Variants in LGR6 observed in about 807,000 individuals in gnomAD.
The protein encoded by LGR6 is leucine-rich repeat-containing G protein-coupled receptor 6.
Under a neutral mutation model 69.4 loss-of-function variants are expected in LGR6, and 45 were observed. That is an observed-to-expected ratio of 0.65 (90% CI 0.51 to 0.83). The LOEUF (loss-of-function observed/expected upper bound fraction) is 0.83, where lower values mean the gene tolerates loss of function less well. LGR6 is among the 40% of genes least tolerant of loss of function. LGR6 has a pLI of 0.00. For synonymous variants in LGR6, 538 were observed against 555.0 expected (o/e 0.97, Z 0.43); for missense variants, 1,108 against 1,246.7 (o/e 0.89, Z 1.68).
intron 4 of LGR6, among the ~76,000 whole-genome samples, chr1:202,257,221 GA>G (rs1663845558): frequency 6.7e-6 from 1 of 149,816 alleles, no homozygotes. Flanking sequence ...TATATGGTTT[GA>G]AAATGTTTTT....
chr1:202,235,855 A>G, intron 3 of LGR6, 67 bp from the exon 4 acceptor site: 2 of 1,393,006 alleles, frequency 1.4e-6, no homozygotes, highest in South Asian at 2.3e-5. Context: ...TCAAGGGAGG[A>G]GTCAGCACCC....
chr1:202,303,367 C>G lies in LGR6; in HGVS notation c.998+20C>G. 6.3e-7 allele frequency: 1 copy of G among 1,592,098 alleles called. No homozygotes were observed. Among genetic ancestry groups the G allele is most frequent in the South Asian group, 1.1e-5 (1 of 90,652 alleles). Reference sequence around the variant, plus strand: ...GATCCTGTGAGTGGCTTCTCTCTCCCTACCTTATCTATCGCCCCAGCTTCA... The same window carrying G: ...GATCCTGTGAGTGGCTTCTCTCTCCGTACCTTATCTATCGCCCCAGCTTCA... On this transcript the variant is annotated intron_variant, in intron 10 of 17. Coordinates refer to ENST00000367278, the MANE Select transcript of LGR6 (RefSeq NM_001017403.2).
chr1:202,299,268 A>C (rs1403245124), intron 7 of LGR6, among the ~76,000 whole-genome samples: 1 of 151,820 alleles, frequency 6.6e-6, no homozygotes, highest in East Asian at 1.9e-4. Context: ...TCAAAAAAAA[A>C]AAAAAAAAAA....
chr1:202,259,290 A>G (rs1225374758), intron 4 of LGR6, among the ~76,000 whole-genome samples: 1 of 152,178 alleles, frequency 6.6e-6, no homozygotes, highest in Non-Finnish European at 1.5e-5. Flanking sequence ...TGAATTGAGT[A>G]TCATTCCAGT....
chr1:202,264,096 G>T (rs1664455454), intron 4 of LGR6, among the ~76,000 whole-genome samples: 1 of 151,994 alleles, frequency 6.6e-6, no homozygotes, highest in Non-Finnish European at 1.5e-5. Flanking sequence ...GGGAGGGGAG[G>T]GTTGAAACTA....
intron 4 of LGR6, among the ~76,000 whole-genome samples, chr1:202,266,558 G>A (rs1458447429): frequency 2.8e-5 from 4 of 142,528 alleles, no homozygotes; most frequent in African/African-American, 7.8e-5. Context: ...CCAAGGACCC[G>A]CACGTTCTTT....
At chr1:202,299,181 A>G (rs1237081144) in intron 7 of LGR6, among the ~76,000 whole-genome samples, 2 of 150,698 alleles carry the variant, frequency 1.3e-5, no homozygotes, top group Admixed American at 6.7e-5. Context: ...AATTACTTGT[A>G]CCCAGGTGGC....
chr1:202,287,076 G>A (rs1371914681), intron 6 of LGR6, among the ~76,000 whole-genome samples: 1 of 152,220 alleles, frequency 6.6e-6, no homozygotes, highest in Non-Finnish European at 1.5e-5. Context: ...AGGTTCCGTA[G>A]TAGATGTAAT....
chr1:202,250,587 G>A (rs572285129), intron 4 of LGR6, among the ~76,000 whole-genome samples: 1 of 151,862 alleles, frequency 6.6e-6, no homozygotes, highest in Non-Finnish European at 1.5e-5. Flanking sequence ...TGTATTTTTA[G>A]TAGAGATGGG....
intron 1 of LGR6, among the ~76,000 whole-genome samples, chr1:202,200,054 T>C (rs1415722275): frequency 6.6e-6 from 1 of 152,190 alleles, no homozygotes; most frequent in Non-Finnish European, 1.5e-5. Context: ...TCACCCTTCC[T>C]TCCCTCCCAC....
In LGR6 at chr1:202,304,596, G is replaced by C; in HGVS notation, c.1036G>C (p.Gly346Arg). Residue 346 changes from glycine (G) to arginine (R), a missense_variant, in exon 11 of 18, where the codon GGG becomes CGG. By Grantham distance (125) the Gly-to-Arg change is moderately radical. Transcript: ENST00000367278. ...CGCAGGCATCCGGCTGCTCCCATCGGGGATGTGCCAACAGCTGCCCAGGCT... is the reference window on the plus strand; with the variant it reads ...CGCAGGCATCCGGCTGCTCCCATCGCGGATGTGCCAACAGCTGCCCAGGCT... Reference protein sequence around the residue: ...TRAGIRLLPSGMCQQLPRLRV... With the variant: ...TRAGIRLLPSRMCQQLPRLRV... The C allele has an allele frequency of 1.9e-6, 3 of 1,610,910 alleles. No individual in the cohort carries two copies. The highest frequency in any genetic ancestry group is 2.5e-6 in the Non-Finnish European group (3 of 1,177,664).
intron 4 of LGR6, among the ~76,000 whole-genome samples, chr1:202,275,717 T>G (rs893688413): frequency 2.0e-4 from 30 of 152,250 alleles, no homozygotes; most frequent in Middle Eastern, 3.4e-3. Flanking sequence ...CTTACCCTTT[T>G]GGGGAGGCAT....
chr1:202,312,335 T>G (rs1443242538), intron 16 of LGR6, among the ~76,000 whole-genome samples: 3 of 152,212 alleles, frequency 2.0e-5, no homozygotes, highest in African/African-American at 7.2e-5. Flanking sequence ...GCATTTTGAT[T>G]TCAAAGAATT....
chr1:202,319,256 C>T lies in LGR6; in HGVS notation c.*49C>T. 6.7e-7 allele frequency: 1 copy of T among 1,496,254 alleles called. No individual in the cohort carries two copies. The highest frequency in any genetic ancestry group is 1.4e-5 in the African/African-American group (1 of 71,538). The allele number at this position is 1,496,254 out of a possible 1,614,324, so 92.7% of individuals were successfully genotyped here. A position where few individuals can be genotyped will look rare whatever the true frequency, so the allele number is the denominator to read the frequency against. On this transcript the variant is annotated 3_prime_UTR_variant, in exon 18 of 18. Coordinates refer to ENST00000367278, the MANE Select transcript of LGR6 (RefSeq NM_001017403.2). ...CCCCTCTCTTCCCTTTCCTCTCTCC[C>T]CCTCGGTGAATGATGGCTGCTTCTA...
chr1:202,269,043 T>A (rs4950842), intron 4 of LGR6, among the ~76,000 whole-genome samples: 5,417 of 152,260 alleles, frequency 0.036, 173 homozygotes, highest in Admixed American at 0.1. Flanking sequence ...TAGCTGGGAC[T>A]ACTGGAGCGT....
intron 3 of LGR6, among the ~76,000 whole-genome samples, chr1:202,228,270 A>G (rs146962999): frequency 6.6e-6 from 1 of 152,380 alleles, no homozygotes; most frequent in Non-Finnish European, 1.5e-5. Context: ...ATTAAAGTGT[A>G]TAATGACCAT....
intron 4 of LGR6, among the ~76,000 whole-genome samples, chr1:202,253,417 C>G (rs1018861762): frequency 2.0e-5 from 3 of 151,692 alleles, no homozygotes; most frequent in African/African-American, 7.3e-5. Flanking sequence ...ACTCTCCTGC[C>G]TCAGCCTCCC....
At chr1:202,199,631 G>A (rs146412835) in intron 1 of LGR6, among the ~76,000 whole-genome samples, 1,619 of 140,942 alleles carry the variant, frequency 0.011, 37 homozygotes, top group African/African-American at 0.04. Flanking sequence ...CCCCACATGC[G>A]CTGCAGCCTG....
chr1:202,300,241 G>T (rs958683958), intron 7 of LGR6, among the ~76,000 whole-genome samples: 2 of 152,236 alleles, frequency 1.3e-5, no homozygotes, highest in Non-Finnish European at 2.9e-5. Flanking sequence ...CCTTCCTGGG[G>T]TCTGAACTCA....
Sources: allele counts gnomAD v4.1 joint callset (sites outside exome capture counted in the v4.1 genomes callset), GRCh38; gene constraint gnomAD v4.1.1; transcripts MANE v1.5; gene names NCBI Gene and HGNC (gene_info 2026-07-23, HGNC 2026-07-21).